RAD51B: variants seen among roughly 807,000 people sequenced by gnomAD.
RAD51B encodes the protein RAD51 paralog B, also known as DNA repair protein RAD51 homolog 2.
RAD51B carries 38 observed loss-of-function variants against 42.2 expected under a neutral mutation model. The ratio of observed to expected loss-of-function variants is 0.90; its 90% confidence interval spans 0.70 to 1.18. The LOEUF (loss-of-function observed/expected upper bound fraction) is 1.18. RAD51B is among the 50% of genes most tolerant of loss of function. RAD51B has a pLI of 0.00. For missense variants in RAD51B, 373 were observed against 400.7 expected, an observed-to-expected ratio of 0.93 and a Z score of 0.59; for synonymous variants, 154 against 145.2, an observed-to-expected ratio of 1.06 and a Z score of -0.43.
At chr14:68,144,082 G>A (rs1316576491) in intron 7 of RAD51B, among the ~76,000 whole-genome samples, 1 of 152,002 alleles carries the variant, frequency 6.6e-6, no homozygotes, top group Non-Finnish European at 1.5e-5. Context: ...CCTAATGAGA[G>A]AACTTAAGAT....
At chr14:68,328,933 C>T (rs1422654156) in intron 8 of RAD51B, among the ~76,000 whole-genome samples, 1 of 152,188 alleles carries the variant, frequency 6.6e-6, no homozygotes, top group African/African-American at 2.4e-5. Context: ...AGTTCAGCTA[C>T]CTTGGTCATA....
At chr14:68,470,170 G>A (rs115987996) in intron 10 of RAD51B, among the ~76,000 whole-genome samples, 1,737 of 152,278 alleles carry the variant, frequency 0.011, 33 homozygotes, top group African/African-American at 0.04. Context: ...TCAGGAAAAT[G>A]TCTTATAATT....
intron 8 of RAD51B, chr14:68,387,152 T>C (rs2083611932): frequency 6.6e-6 from 1 of 152,224 alleles, no homozygotes; most frequent in Non-Finnish European, 1.5e-5. Context: ...TAAATGTGTG[T>C]TGGCAGAAAG....
chr14:68,166,015 C>T (rs958261544), intron 7 of RAD51B, among the ~76,000 whole-genome samples: 1 of 152,002 alleles, frequency 6.6e-6, no homozygotes, highest in Non-Finnish European at 1.5e-5. Context: ...GAATATTGTG[C>T]CCGATACCCA....
intron 10 of RAD51B, among the ~76,000 whole-genome samples, chr14:68,548,342 T>C (rs907767385): frequency 6.6e-6 from 1 of 151,996 alleles, no homozygotes; most frequent in Non-Finnish European, 1.5e-5. Context: ...TGCTGCATGC[T>C]TCTACCCCGG....
chr14:68,300,464 C>T (rs972356506), intron 8 of RAD51B, among the ~76,000 whole-genome samples: 1 of 152,288 alleles, frequency 6.6e-6, no homozygotes, highest in African/African-American at 2.4e-5. Flanking sequence ...CCTGCCTCTA[C>T]CTCCCAACAT....
chr14:68,537,859 G>C (rs1887731802), intron 10 of RAD51B, among the ~76,000 whole-genome samples: 1 of 151,950 alleles, frequency 6.6e-6, no homozygotes, highest in East Asian at 1.9e-4. Flanking sequence ...CAAACGAATT[G>C]GTTAGAAGAG....
chr14:68,551,549 G>A lies in RAD51B; in HGVS notation c.1037-42936G>A, dbSNP rs992570794. ...TTCTGATCTCCAGTAAGTATCTGAC[G>A]TCAGTCATATTCTTAAATCTGACCA... On this transcript the variant is annotated intron_variant, in intron 10 of 10. Coordinates refer to the RAD51B transcript ENST00000487270. 3.9e-5 allele frequency among the ~76,000 whole-genome samples: 6 copies of A among 152,132 alleles called. No individual in the cohort carries two copies. In the East Asian group the frequency reaches 9.6e-4, roughly 24 times the overall value.
intron 5 of RAD51B, among the ~76,000 whole-genome samples, chr14:67,877,424 C>T (rs536111600): frequency 1.0e-3 from 157 of 152,094 alleles, no homozygotes; most frequent in South Asian, 1.2e-3. Flanking sequence ...TGATTGACTC[C>T]GAGAAAAGAT....
rs1338970473 is a variant in RAD51B at position 67,988,311 on chromosome 14, T to C, written c.756+101107T>C. 1.3e-5 allele frequency among the ~76,000 whole-genome samples: 2 copies of C among 151,936 alleles called. 1 individual carries two copies. Among genetic ancestry groups the C allele is most frequent in the Non-Finnish European group, 2.9e-5 (2 of 68,002 alleles). The stretch of plus-strand genomic sequence containing the variant: ...CTGTCTCTACTAAAAATACAAAAAT[T>C]AGCCGGGTGTGGTGGCAGGCGCCTG... On this transcript the variant is annotated intron_variant, in intron 7 of 10. Coordinates refer to ENST00000471583, the MANE Select transcript of RAD51B (RefSeq NM_133510.4).
At chr14:68,641,650 A>G (rs1892463929) in intron 10 of RAD51B, among the ~76,000 whole-genome samples, 1 of 151,514 alleles carries the variant, frequency 6.6e-6, no homozygotes, top group Admixed American at 6.6e-5. Context: ...ATTTTTTATC[A>G]TGAATGGGTG....
intron 10 of RAD51B, among the ~76,000 whole-genome samples, chr14:68,576,358 C>T (rs192517019): frequency 1.3e-5 from 2 of 152,320 alleles, no homozygotes; most frequent in Admixed American, 1.3e-4. Context: ...CACCTTCCTC[C>T]TTTTCGTGAT....
chr14:67,971,520 G>A (rs1014418922), intron 7 of RAD51B, among the ~76,000 whole-genome samples: 4 of 151,898 alleles, frequency 2.6e-5, no homozygotes, highest in Non-Finnish European at 5.9e-5. Flanking sequence ...TTGCAGCTTT[G>A]TACTTAGAAG....
intron 11 of RAD51B, among the ~76,000 whole-genome samples, chr14:68,661,291 G>A (rs11846166): frequency 0.044 from 6,746 of 152,232 alleles, 396 homozygotes; most frequent in African/African-American, 0.14. Flanking sequence ...AATTATTCCC[G>A]CTTTACAGAA....
chr14:68,292,152 T>C (rs192016240), intron 8 of RAD51B, among the ~76,000 whole-genome samples, 172 bp downstream of exon 8: 23 of 152,320 alleles, frequency 1.5e-4, no homozygotes, highest in East Asian at 3.9e-4. Flanking sequence ...ATCTCTTATA[T>C]TGGGGAGTCT....
At chr14:67,969,846 A>G (rs1485269119) in intron 7 of RAD51B, among the ~76,000 whole-genome samples, 1 of 152,188 alleles carries the variant, frequency 6.6e-6, no homozygotes, top group Non-Finnish European at 1.5e-5. Context: ...ACTGTAGACT[A>G]ATCAATTAGA....
chr14:68,546,753 G>A (rs1215951367), intron 10 of RAD51B, among the ~76,000 whole-genome samples: 1 of 152,170 alleles, frequency 6.6e-6, no homozygotes, highest in East Asian at 1.9e-4. Context: ...GAGGAGAAGA[G>A]AAGAGGACTT....
At chr14:67,854,770 C>T (rs1595006615) in intron 4 of RAD51B, among the ~76,000 whole-genome samples, 1 of 151,670 alleles carries the variant, frequency 6.6e-6, no homozygotes, top group East Asian at 1.9e-4. Context: ...TGAGACCAGC[C>T]TGAGTAACAT....
chr14:68,237,483 T>G (rs2080283784), intron 7 of RAD51B, among the ~76,000 whole-genome samples: 1 of 152,198 alleles, frequency 6.6e-6, no homozygotes, highest in Non-Finnish European at 1.5e-5. Context: ...GAGTAATTTT[T>G]GTGTATTCCC....
Sources: allele counts gnomAD v4.1 joint callset (sites outside exome capture counted in the v4.1 genomes callset), GRCh38; gene constraint gnomAD v4.1.1; transcripts MANE v1.5; gene names NCBI Gene and HGNC (gene_info 2026-07-23, HGNC 2026-07-21).